MARCHF1: variants seen among roughly 807,000 people sequenced by gnomAD.
The protein encoded by MARCHF1 is membrane associated ring-CH-type finger 1, also known as E3 ubiquitin-protein ligase MARCHF1.
Under a neutral mutation model 54.2 loss-of-function variants are expected in MARCHF1, and 40 were observed. The observed-to-expected ratio is 0.74, with a 90% CI of 0.57 to 0.96. The LOEUF is 0.96. MARCHF1 is among the 40% of genes least tolerant of loss of function. The pLI is 0.00. For synonymous variants in MARCHF1, 236 were observed against 236.3 expected (o/e 1.00, Z 0.01); for missense variants, 586 against 656.5 (o/e 0.89, Z 1.17).
chr4:163,870,653 G>C (rs1197620268), intron 3 of MARCHF1, among the ~76,000 whole-genome samples: 1 of 151,956 alleles, frequency 6.6e-6, no homozygotes, highest in Non-Finnish European at 1.5e-5. Context: ...GATTAGGATG[G>C]CTTAAAAAAG....
At chr4:163,999,536 A>G (rs1164559278) in intron 2 of MARCHF1, among the ~76,000 whole-genome samples, 1 of 151,394 alleles carries the variant, frequency 6.6e-6, no homozygotes, top group Non-Finnish European at 1.5e-5. Flanking sequence ...AAAGATGCTT[A>G]TCAAACAGCA....
chr4:163,888,940 G>A (rs1026869853), intron 3 of MARCHF1, among the ~76,000 whole-genome samples: 1 of 152,122 alleles, frequency 6.6e-6, no homozygotes, highest in African/African-American at 2.4e-5. Flanking sequence ...TACAATCCCT[G>A]TGAGTGTAAG....
At chr4:164,334,033 G>A (rs1406228630) in intron 1 of MARCHF1, among the ~76,000 whole-genome samples, 2 of 152,170 alleles carry the variant, frequency 1.3e-5, no homozygotes, top group African/African-American at 4.8e-5. Context: ...TGAGAAAGCT[G>A]CAGAAGAAAA....
intron 1 of MARCHF1, among the ~76,000 whole-genome samples, chr4:164,220,317 CAT>C (rs1002251165): frequency 5.0e-4 from 72 of 145,160 alleles, no homozygotes; most frequent in African/African-American, 1.7e-3. Flanking sequence ...TATAGGAATT[CAT>C]ATATATATAG....
At chr4:163,651,633 A>C (rs1048308518) in intron 5 of MARCHF1, among the ~76,000 whole-genome samples, 1 of 151,550 alleles carries the variant, frequency 6.6e-6, no homozygotes, top group African/African-American at 2.4e-5. Context: ...ATTTTAAAGG[A>C]AACTGGAGAT....
chr4:164,241,221 C>T (rs1356335565), intron 1 of MARCHF1, among the ~76,000 whole-genome samples: 1 of 152,140 alleles, frequency 6.6e-6, no homozygotes, highest in African/African-American at 2.4e-5. Context: ...TCATCCCCAA[C>T]CAATCAGCAG....
chr4:164,373,992 T>A (rs1213246740), intron 1 of MARCHF1, among the ~76,000 whole-genome samples: 1 of 152,210 alleles, frequency 6.6e-6, no homozygotes, highest in Non-Finnish European at 1.5e-5. Context: ...ATAAAAAGAA[T>A]TTAGTTCTAA....
intron 2 of MARCHF1, among the ~76,000 whole-genome samples, chr4:163,994,960 A>G (rs1443471797): frequency 6.6e-6 from 1 of 152,070 alleles, no homozygotes; most frequent in Non-Finnish European, 1.5e-5. Flanking sequence ...GACTTCTGTG[A>G]CCAAATGTGT....
At chr4:164,036,714 T>A (rs1754014006) in intron 2 of MARCHF1, among the ~76,000 whole-genome samples, 1 of 152,100 alleles carries the variant, frequency 6.6e-6, no homozygotes, top group Non-Finnish European at 1.5e-5. Flanking sequence ...ACCTCTGTGA[T>A]CAGAGAACAC....
intron 1 of MARCHF1, among the ~76,000 whole-genome samples, chr4:164,271,756 T>C (rs1053707795): frequency 5.9e-5 from 9 of 152,110 alleles, no homozygotes; most frequent in African/African-American, 2.2e-4. Flanking sequence ...TTTTGTTACT[T>C]TTGGTAGGTC....
intron 1 of MARCHF1, among the ~76,000 whole-genome samples, chr4:164,267,179 G>A (rs1461956469): frequency 1.3e-5 from 2 of 152,146 alleles, no homozygotes. Context: ...ACATTTGAAG[G>A]CCTGAATAAG....
At chr4:164,151,052 A>C (rs1729921749) in intron 1 of MARCHF1, among the ~76,000 whole-genome samples, 1 of 152,188 alleles carries the variant, frequency 6.6e-6, no homozygotes, top group African/African-American at 2.4e-5. Context: ...TCAAAACTGG[A>C]AAAGGAAAGG....
At chr4:163,879,393 A>G (rs1266737694) in intron 3 of MARCHF1, among the ~76,000 whole-genome samples, 1 of 152,200 alleles carries the variant, frequency 6.6e-6, no homozygotes, top group Non-Finnish European at 1.5e-5. Context: ...ACTTATTTAT[A>G]AAAAAGTGAA....
chr4:164,296,050 T>G (rs1011226095), intron 1 of MARCHF1, among the ~76,000 whole-genome samples: 2 of 152,164 alleles, frequency 1.3e-5, no homozygotes, highest in South Asian at 4.1e-4. Context: ...TAAACGGAAA[T>G]TCCCAGCCTT....
rs79587576 is a variant in MARCHF1 at position 164,177,051 on chromosome 4, C to T, written c.-322-65389G>A. Among the ~76,000 whole-genome samples, 839 of 136,818 alleles carry T rather than the reference C, an allele frequency of 6.1e-3. 6 individuals are homozygous for T. Among genetic ancestry groups the T allele is most frequent in the African/African-American group, 0.021 (788 of 37,926 alleles). 89.8% of individuals were successfully genotyped at this position (136,818 alleles called of 152,430 possible). On this transcript the variant is annotated intron_variant, in intron 1 of 9. Coordinates refer to ENST00000514618, the MANE Select transcript of MARCHF1 (RefSeq NM_001394959.1). ...GGCATGTTTCCTATCCCCATGGAAA[C>T]GACAGCTTAATTAAATGATTTATGC...
intron 5 of MARCHF1, among the ~76,000 whole-genome samples, chr4:163,676,919 T>C (rs947853780): frequency 2.0e-5 from 3 of 151,852 alleles, no homozygotes; most frequent in African/African-American, 7.3e-5. Context: ...AAGGAAAATA[T>C]TAACCACAAA....
intron 4 of MARCHF1, among the ~76,000 whole-genome samples, chr4:163,830,668 C>T (rs1748992742): frequency 6.6e-6 from 1 of 152,132 alleles, no homozygotes; most frequent in Admixed American, 6.6e-5. Context: ...AATCCCAGCA[C>T]TTTGAGAGGC....
At chr4:163,806,690 A>G (rs984826464) in intron 4 of MARCHF1, among the ~76,000 whole-genome samples, 5 of 152,172 alleles carry the variant, frequency 3.3e-5, no homozygotes, top group Admixed American at 6.6e-5. Context: ...AGAAGCTAGC[A>G]TGCAAGAAAA....
rs548295005 is a variant in MARCHF1, at chr4:164,029,919, G to A, written c.-247-41210C>T. Among the ~76,000 whole-genome samples the A allele has an allele frequency of 1.9e-3, 291 of 152,270 alleles. 13 individuals carry two copies. In the South Asian group the frequency reaches 0.057, roughly 30 times the overall value. On this transcript the variant is annotated intron_variant, in intron 2 of 9. Coordinates refer to ENST00000514618, the MANE Select transcript of MARCHF1 (RefSeq NM_001394959.1). ...CCAGGATTTTAGCCTTTTAAACTTT[G>A]TGTTCTATGAAGAAATTTGTAAATG...
Sources: gnomAD v4.1 joint callset for allele counts (sites outside exome capture counted in the v4.1 genomes callset) on GRCh38, gnomAD v4.1.1 for gene constraint, MANE v1.5 for transcripts, NCBI Gene and HGNC (gene_info 2026-07-23, HGNC 2026-07-21) for gene names.